FSIP2: variants seen among roughly 807,000 people sequenced by gnomAD.
FSIP2 encodes the protein fibrous sheath interacting protein 2.
Under a neutral mutation model 510.5 loss-of-function variants are expected in FSIP2, and 367 were observed. The ratio of observed to expected loss-of-function variants is 0.72; its 90% CI spans 0.66 to 0.78. The LOEUF (loss-of-function observed/expected upper bound fraction) is 0.78. FSIP2 is among the 30% of genes least tolerant of loss of function. The probability of loss-of-function intolerance (pLI) is 0.00; values close to 1 mark genes in which losing one functional copy is unlikely to be tolerated. For missense variants in FSIP2, 7,594 were observed against 7,901.7 expected (o/e 0.96, Z 1.48); for synonymous variants, 2,601 against 2,732.2 (o/e 0.95, Z 1.50).
At position 185,807,295 on chromosome 2, in the gene FSIP2, G is replaced by C. The variant is rs773605266; in HGVS notation, c.17989G>C (p.Glu5997Gln). The change falls in exon 17 of 23, where the codon GAA becomes CAA. Residue 5997 changes from glutamate (E) to glutamine (Q), a missense_variant. Physicochemically the swap from Glu to Gln is conservative, Grantham distance 29 (BLOSUM62 2). Coordinates refer to ENST00000424728, the MANE Select transcript of FSIP2 (RefSeq NM_173651.4). ...AAAGTTGGCCCAAACAGCCAGCAAA[G>C]AATGTCAAACTTCATCACCATATAC... Reference protein sequence around the residue: ...VQKLAQTASKECQTSSPYTII... With the variant: ...VQKLAQTASKQCQTSSPYTII... 6.2e-7 allele frequency: 1 copy of C among 1,612,732 alleles called. No individual in the cohort carries two copies. The highest frequency in any genetic ancestry group is 1.1e-5 in the South Asian group (1 of 90,984).
chr2:185,825,309 C>A (rs962266620), intron 20 of FSIP2, among the ~76,000 whole-genome samples: 2 of 151,692 alleles, frequency 1.3e-5, no homozygotes, highest in Non-Finnish European at 2.9e-5. Context: ...CCGTTTCATA[C>A]AACCATACTC....
Position 185,739,359 on chromosome 2 carries a change from C to A in FSIP2, c.113C>A (p.Thr38Asn). ...TGTGTCTGACAGGGCGTGCACAAAA[C>A]CCACTTTGCAGGGGTTGGACCGGCT... ...TQQCRDGVHK[T>N]HFAGVGPAQL... The change falls in exon 2 of 23, where the codon ACC becomes AAC. Residue 38 changes from threonine (T) to asparagine (N), a missense_variant. Coordinates refer to ENST00000424728, the MANE Select transcript of FSIP2 (RefSeq NM_173651.4). 6.5e-7 allele frequency: 1 copy of A among 1,531,146 alleles called. No individual in the cohort carries two copies. Among genetic ancestry groups the A allele is most frequent in the Non-Finnish European group, 8.7e-7 (1 of 1,145,314 alleles). The allele number at this position is 1,531,146 out of a possible 1,614,324, so 94.8% of individuals were successfully genotyped here.
intron 13 of FSIP2, among the ~76,000 whole-genome samples, chr2:185,770,518 T>C (rs1015210563): frequency 1.3e-5 from 2 of 152,128 alleles, no homozygotes; most frequent in Admixed American, 6.6e-5. Flanking sequence ...CAATCAGAAC[T>C]CAGAGTGAGA....
chr2:185,746,621 A>C (rs1490219208), intron 5 of FSIP2, 48 bp from the exon 6 acceptor site: 2 of 1,417,070 alleles, frequency 1.4e-6, no homozygotes, highest in Non-Finnish European at 1.9e-6. Context: ...ATGCCATCAT[A>C]AAAGAAACAG....
Position 185,804,469 on chromosome 2 carries a change from AG to A in FSIP2, c.15165del (p.Ile5057TyrfsTer17), listed in dbSNP as rs1204941313. 6.6e-7 allele frequency: 1 copy of A among 1,517,398 alleles called. No individual in the cohort carries two copies. Among genetic ancestry groups the A allele is most frequent in the Non-Finnish European group, 8.8e-7 (1 of 1,136,454 alleles). 94.0% of individuals were successfully genotyped at this position (1,517,398 alleles called of 1,614,324 possible). On this transcript the variant is annotated frameshift_variant, in exon 17 of 23. Transcript: ENST00000424728. LOFTEE classifies it high-confidence loss of function. ...VIQSDTICFG[R>X]KIYYLLLEEI... ...ACAAAGTGACACAATATGTTTTGGT[AG>A]GAAAATATATTATTTGCTATTGGAA...
rs771555121 is a variant in FSIP2, at chr2:185,794,906, A to G, written c.7770A>G (p.Ala2590=). ...TAAGGTTTAGAGAAACTAAACAAGC[A>G]GGAAAAATAAGTAATTCCCCTAGAT... ...KPLRFRETKQ[A]GKISNSPRYA... Residue 2590 remains alanine, a synonymous_variant, in exon 16 of 23, where the codon GCA becomes GCG. Coordinates refer to ENST00000424728, the MANE Select transcript of FSIP2 (RefSeq NM_173651.4). 4 of 1,534,508 alleles carry G rather than the reference A, an allele frequency of 2.6e-6. No homozygotes were observed. The South Asian group carries it at 4.8e-5, about 18-fold the overall frequency.
intron 20 of FSIP2, among the ~76,000 whole-genome samples, chr2:185,824,791 A>G (rs1265294402): frequency 1.3e-5 from 2 of 151,846 alleles, no homozygotes; most frequent in African/African-American, 4.8e-5. Context: ...TATCTGAGCC[A>G]GAACCCATGC....
At chr2:185,814,700 A>T (rs756901569) in intron 18 of FSIP2, among the ~76,000 whole-genome samples, 1 of 152,032 alleles carries the variant, frequency 6.6e-6, no homozygotes, top group Non-Finnish European at 1.5e-5. Flanking sequence ...TTTAATGGAA[A>T]AAAGTTTCAG....
rs767201235 is a variant in FSIP2 at position 185,805,235 on chromosome 2, G to T, written c.15929G>T (p.Gly5310Val). 8.1e-6 allele frequency: 13 copies of T among 1,595,672 alleles called. No homozygotes were observed. The Admixed American group carries it at 1.2e-4, about 15-fold the overall frequency. The change falls in exon 17 of 23, where the codon GGC (glycine) becomes GTC (valine). Residue 5310 changes from glycine (G) to valine (V), a missense_variant. By Grantham distance (109) the Gly-to-Val change is moderately radical. Transcript: ENST00000424728. ...GAAATGGCAGAGCTAGATATTATGG[G>T]CTTGGCTCTAAAACTTGCAAATTCT... The part of the protein sequence containing the change: ...KNEMAELDIM[G>V]LALKLANSLI...
chr2:185,824,533 T>C, intron 20 of FSIP2, 53 bp downstream of exon 20: 1 of 1,036,166 alleles, frequency 9.7e-7, no homozygotes, highest in Non-Finnish European at 1.5e-6. Context: ...TTTGATGTGT[T>C]TTTTTTTTAG....
chr2:185,793,383 C>A lies in FSIP2; in HGVS notation c.6247C>A (p.Arg2083=), dbSNP rs758314634. 1.3e-6 allele frequency: 2 copies of A among 1,533,586 alleles called. No individual in the cohort carries two copies. The highest frequency in any genetic ancestry group is 1.4e-5 in the African/African-American group (1 of 72,914). 95.0% of individuals were successfully genotyped at this position (1,533,586 alleles called of 1,614,324 possible). Residue 2083 remains arginine (R), a synonymous_variant, in exon 16 of 23, where the codon CGA becomes AGA. Transcript: ENST00000424728. ...IEKLLNETKY[R]KVLQLQIQDT... The stretch of plus-strand genomic sequence containing the variant: ...AAAGCTGCTCAATGAGACCAAATAT[C>A]GAAAAGTACTTCAACTTCAAATACA...
Position 185,804,555 on chromosome 2 carries a change from T to C in FSIP2, c.15249T>C (p.Tyr5083=). 1 of 1,528,272 alleles carries C rather than the reference T, an allele frequency of 6.5e-7. No individual in the cohort carries two copies. Among genetic ancestry groups the C allele is most frequent in the Non-Finnish European group, 8.7e-7 (1 of 1,143,404 alleles). The allele number at this position is 1,528,272 out of a possible 1,614,324, so 94.7% of individuals were successfully genotyped here. ...CAGGAGAATTAGAGTCTTCTTCTTA[T>C]TCGTATCCCCAAGCTGATAATATCA... ...LVSGELESSS[Y]SYPQADNIIR... The change falls in exon 17 of 23, where the codon TAT becomes TAC. Residue 5083 remains tyrosine, a synonymous_variant. Coordinates refer to ENST00000424728, the MANE Select transcript of FSIP2 (RefSeq NM_173651.4).
chr2:185,739,857 T>C (rs554202490), intron 2 of FSIP2, among the ~76,000 whole-genome samples: 1 of 152,194 alleles, frequency 6.6e-6, no homozygotes, highest in African/African-American at 2.4e-5. Context: ...GACAGTATCT[T>C]GGACCAAACT....
At chr2:185,758,165 A>G (rs948175902) in intron 9 of FSIP2, among the ~76,000 whole-genome samples, 1 of 151,402 alleles carries the variant, frequency 6.6e-6, no homozygotes, top group African/African-American at 2.4e-5. Context: ...GCATGTGTCA[A>G]TAGTTTGTTC....
At chr2:185,737,946 G>C (rs1691818895), upstream of FSIP2, among the ~76,000 whole-genome samples, 1 of 152,106 alleles carries the variant, frequency 6.6e-6, no homozygotes, top group African/African-American at 2.4e-5. Context: ...TATTGATAAG[G>C]CTACTAAAAT....
chr2:185,781,057 T>C (rs1014721517), intron 13 of FSIP2, among the ~76,000 whole-genome samples: 19 of 112,756 alleles, frequency 1.7e-4, no homozygotes, highest in African/African-American at 5.9e-4. Context: ...CTCTGTGGCA[T>C]GATTTTTTTT....
Position 185,792,167 on chromosome 2 carries a change from A to G in FSIP2, c.5031A>G (p.Gln1677=). 1 of 1,532,700 alleles carries G rather than the reference A, an allele frequency of 6.5e-7. No homozygotes were observed. The highest frequency in any genetic ancestry group is 8.7e-7 in the Non-Finnish European group (1 of 1,144,890). The allele number at this position is 1,532,700 out of a possible 1,614,324, so 94.9% of individuals were successfully genotyped here. A position where few individuals can be genotyped will look rare whatever the true frequency, so the allele number is the denominator to read the frequency against. The part of the protein sequence containing the change: ...TSVENPPPET[Q]ILKYVVKLIL... Reference sequence around the variant, plus strand: ...TAGAAAACCCACCACCTGAGACTCAAATACTTAAGTATGTAGTCAAGTTAA... The same window carrying G: ...TAGAAAACCCACCACCTGAGACTCAGATACTTAAGTATGTAGTCAAGTTAA... Residue 1677 remains glutamine, a synonymous_variant, in exon 16 of 23, where the codon CAA becomes CAG. Coordinates refer to ENST00000424728, the MANE Select transcript of FSIP2 (RefSeq NM_173651.4).
At chr2:185,771,809 C>T (rs972899233) in intron 13 of FSIP2, among the ~76,000 whole-genome samples, 8 of 152,186 alleles carry the variant, frequency 5.3e-5, no homozygotes, top group African/African-American at 1.4e-4. Flanking sequence ...CCTTTTCTAT[C>T]ACAAAGACAG....
rs941068038 is a variant in FSIP2 at position 185,793,699 on chromosome 2, C to A, written c.6563C>A (p.Thr2188Lys). Residue 2188 changes from threonine (T) to lysine (K), a missense_variant, in exon 16 of 23, where the codon ACA becomes AAA. Thr to Lys is a moderately conservative substitution (Grantham distance 78). Transcript: ENST00000424728. ...KNPTSARLPL[T>K]FCDTFPKIDC... ...CCTACTTCTGCAAGATTGCCCCTGA[C>A]ATTTTGTGATACGTTTCCAAAAATA... The A allele has an allele frequency of 8.8e-5, 135 of 1,534,790 alleles. 1 individual carries two copies. In the East Asian group the frequency reaches 2.7e-3, roughly 31 times the overall value.
Sources: gnomAD v4.1 joint callset for allele counts (sites outside exome capture counted in the v4.1 genomes callset) on GRCh38, gnomAD v4.1.1 for gene constraint, MANE v1.5 for transcripts, NCBI Gene and HGNC (gene_info 2026-07-23, HGNC 2026-07-21) for gene names.